The following SPRING1 variants were observed in gnomAD, a reference collection of about 807,000 sequenced individuals.
SPRING1 encodes SREBP regulating gene protein.
SPRING1 carries 14 observed loss-of-function variants against 24.7 expected under a neutral mutation model. That is an observed-to-expected ratio of 0.57 (90% CI 0.37 to 0.88). The LOEUF (loss-of-function observed/expected upper bound fraction) is 0.88, where lower values mean the gene tolerates loss of function less well. Ranked by LOEUF, SPRING1 falls within the 40% of genes least tolerant of loss-of-function variation. The pLI is 0.00. For missense variants in SPRING1, 255 were observed against 268.4 expected (o/e 0.95, Z 0.35); for synonymous variants, 93 against 106.1 (o/e 0.88, Z 0.76).
rs1373912772 is a variant in SPRING1, at chr12:116,713,266, T to A, written c.*4544A>T. Reference sequence around the variant, plus strand: ...CTGGAAAAGTTGGTTTGTGAATATGTGAGCTTAGTTGTTTCTAACACAGGG... The same window carrying A: ...CTGGAAAAGTTGGTTTGTGAATATGAGAGCTTAGTTGTTTCTAACACAGGG... On this transcript the variant is annotated 3_prime_UTR_variant, in exon 5 of 5. Transcript: ENST00000261318. 1 of 152,260 alleles carries A rather than the reference T, an allele frequency of 6.6e-6. No individual in the cohort carries two copies. Among genetic ancestry groups the A allele is most frequent in the Non-Finnish European group, 1.5e-5 (1 of 68,046 alleles). 9.4% of individuals were successfully genotyped at this position (152,260 alleles called of 1,614,324 possible).
chr12:116,736,784 G>A (rs1871242478), intron 1 of SPRING1, among the ~76,000 whole-genome samples: 1 of 152,100 alleles, frequency 6.6e-6, no homozygotes, highest in Non-Finnish European at 1.5e-5. Context: ...GTTTCTCCCA[G>A]AAATTCTCAC....
At position 116,717,855 on chromosome 12, in the gene SPRING1, T is replaced by C. The variant is rs759582903; in HGVS notation, c.573A>G (p.Ala191=). The C allele has an allele frequency of 1.5e-5, 24 of 1,608,406 alleles. 1 individual carries two copies. In the Middle Eastern group the frequency reaches 5.1e-4, roughly 34 times the overall value. ...GCGGGCTTTCTCCATAGCAATACTT[T>C]GCTATGGGGTCCCGGTAGGTGTTCT... is the stretch of plus-strand genomic sequence containing the variant. ...QHENTYRDPI[A]KYCYGESPPE... The change falls in exon 5 of 5, where the codon GCA becomes GCG. Residue 191 remains alanine (A), a synonymous_variant. Coordinates refer to ENST00000261318, the MANE Select transcript of SPRING1 (RefSeq NM_024738.4). The surrounding 1 kb of genome is among the most constrained non-coding windows in gnomAD (Gnocchi z 4.2).
chr12:116,722,796 C>G, intron 2 of SPRING1, among the ~76,000 whole-genome samples: 1 of 152,102 alleles, frequency 6.6e-6, no homozygotes, highest in African/African-American at 2.4e-5. Flanking sequence ...CAGAAGGGGC[C>G]TGGGGACTGA....
rs934266322 is a variant in SPRING1 at position 116,713,339 on chromosome 12, A to G, written c.*4471T>C. The G allele has an allele frequency of 2.0e-5, 3 of 152,252 alleles. No homozygotes were observed. Among genetic ancestry groups the G allele is most frequent in the Middle Eastern group, 3.2e-3 (1 of 316 alleles). 9.4% of individuals were successfully genotyped at this position (152,252 alleles called of 1,614,324 possible). A position where few individuals can be genotyped will look rare whatever the true frequency, so the allele number is the denominator to read the frequency against. On this transcript the variant is annotated 3_prime_UTR_variant, in exon 5 of 5. Coordinates refer to ENST00000261318, the MANE Select transcript of SPRING1 (RefSeq NM_024738.4). Reference sequence around the variant, plus strand: ...AAAGGCTGCTTTCATATAAAAATGTACTGTAGTAATCAGTAAGAAAAAGAA... The same window carrying G: ...AAAGGCTGCTTTCATATAAAAATGTGCTGTAGTAATCAGTAAGAAAAAGAA...
rs544790994 is a variant in SPRING1 at position 116,725,624 on chromosome 12, A to G, written c.112-2401T>C. Among the ~76,000 whole-genome samples, 5 of 152,338 alleles carry G rather than the reference A, an allele frequency of 3.3e-5. No homozygotes were observed. In the South Asian group the frequency reaches 6.2e-4, roughly 19 times the overall value. On this transcript the variant is annotated intron_variant, in intron 1 of 4. Coordinates refer to ENST00000261318, the MANE Select transcript of SPRING1 (RefSeq NM_024738.4). ...TTTCTGGCCGGGCGCCATGGCTCAC[A>G]CCTGTAATCCCAACACTTTGGGAGG...
chr12:116,727,282 T>C (rs1422503211), intron 1 of SPRING1, among the ~76,000 whole-genome samples: 2 of 152,206 alleles, frequency 1.3e-5, no homozygotes, highest in African/African-American at 2.4e-5. Context: ...TACCTCCATA[T>C]ATCAGTGCGA....
chr12:116,731,983 A>G (rs1291622523), intron 1 of SPRING1, among the ~76,000 whole-genome samples: 1 of 152,122 alleles, frequency 6.6e-6, no homozygotes, highest in Non-Finnish European at 1.5e-5. Flanking sequence ...CAGGCCACAC[A>G]GCCACCCTCC....
chr12:116,736,345 G>C (rs758754616), intron 1 of SPRING1, among the ~76,000 whole-genome samples: 4 of 152,160 alleles, frequency 2.6e-5, no homozygotes, highest in Admixed American at 1.3e-4. Flanking sequence ...GACAACACGC[G>C]ACTGTGAGGA....
chr12:116,725,678 G>A (rs1870651152), intron 1 of SPRING1, among the ~76,000 whole-genome samples: 1 of 152,142 alleles, frequency 6.6e-6, no homozygotes, highest in South Asian at 2.1e-4. Context: ...GAGTTCAGAA[G>A]ATCGAGACCA....
rs1869926124 is a variant in SPRING1 at position 116,712,698 on chromosome 12, T to G, written c.*5112A>C. On this transcript the variant is annotated 3_prime_UTR_variant, in exon 5 of 5. Coordinates refer to ENST00000261318, the MANE Select transcript of SPRING1 (RefSeq NM_024738.4). ...ACTCCCACCTCCAAAGCCACTCCAT[T>G]CAAAGAACTGCTGGTGAGGTGCTGG... is the stretch of plus-strand genomic sequence containing the variant. 2 of 152,108 alleles carry G rather than the reference T, an allele frequency of 1.3e-5. No individual in the cohort carries two copies. Among genetic ancestry groups the G allele is most frequent in the Non-Finnish European group, 2.9e-5 (2 of 68,026 alleles). The allele number at this position is 152,108 out of a possible 1,614,324, so 9.4% of individuals were successfully genotyped here. A position where few individuals can be genotyped will look rare whatever the true frequency, so the allele number is the denominator to read the frequency against.
intron 1 of SPRING1, among the ~76,000 whole-genome samples, chr12:116,726,075 G>A (rs1221464617): frequency 6.6e-6 from 1 of 152,098 alleles, no homozygotes; most frequent in Non-Finnish European, 1.5e-5. Context: ...TTTGCATTCA[G>A]CTCTTCTTGA....
chr12:116,718,009 C>T (rs548966985), intron 4 of SPRING1, 116 bp from the exon 5 acceptor site: 11 of 797,886 alleles, frequency 1.4e-5, no homozygotes, highest in South Asian at 5.0e-5. Context: ...GGGGGCTGGC[C>T]GAGTCCATCT....
chr12:116,723,949 C>G (rs1458887310), intron 1 of SPRING1, among the ~76,000 whole-genome samples: 2 of 152,100 alleles, frequency 1.3e-5, no homozygotes, highest in Non-Finnish European at 2.9e-5. Context: ...GCTTACAAAA[C>G]TGCCTTTTCT....
intron 1 of SPRING1, among the ~76,000 whole-genome samples, chr12:116,724,982 AT>A (rs1870612800): frequency 6.6e-6 from 1 of 152,218 alleles, no homozygotes; most frequent in South Asian, 2.1e-4. Context: ...ATAGTGTATT[AT>A]CAAGGGAAAA....
chr12:116,711,980 G>A lies in SPRING1; in HGVS notation c.*5830C>T, dbSNP rs373891048. 3 of 151,836 alleles carry A rather than the reference G, an allele frequency of 2.0e-5. No homozygotes were observed. Among genetic ancestry groups the A allele is most frequent in the Admixed American group, 6.6e-5 (1 of 15,246 alleles). 9.4% of individuals were successfully genotyped at this position (151,836 alleles called of 1,614,324 possible). The stretch of plus-strand genomic sequence containing the variant: ...GTGATCAGAAGCTTACCTACCCCAC[G>A]TTGCATAAAAAAAAGTATGAATTTA... On this transcript the variant is annotated 3_prime_UTR_variant, in exon 5 of 5. Transcript: ENST00000261318.
chr12:116,730,229 G>A (rs1870910835), intron 1 of SPRING1, among the ~76,000 whole-genome samples: 1 of 149,190 alleles, frequency 6.7e-6, no homozygotes, highest in Non-Finnish European at 1.5e-5. Flanking sequence ...TTTTTTTTGA[G>A]ACAGTCTTGC....
intron 1 of SPRING1, among the ~76,000 whole-genome samples, chr12:116,733,554 T>C (rs927575847): frequency 1.3e-5 from 2 of 151,798 alleles, no homozygotes; most frequent in African/African-American, 4.9e-5. Flanking sequence ...AAAAAGCATA[T>C]AGAATAAGGA....
chr12:116,723,198 T>C lies in SPRING1; in HGVS notation c.137A>G (p.Asn46Ser), dbSNP rs757552398. The change falls in exon 2 of 5, where the codon AAT (asparagine) becomes AGT (serine). Residue 46 changes from asparagine to serine, a missense_variant. Coordinates refer to ENST00000261318, the MANE Select transcript of SPRING1 (RefSeq NM_024738.4). ...ATTATGGTCATGAACCTGGAGGAGATTCCTATCTCTCACTGCCCTCTCCTC... is the reference window on the plus strand; with the variant it reads ...ATTATGGTCATGAACCTGGAGGAGACTCCTATCTCTCACTGCCCTCTCCTC... The part of the protein sequence containing the change: ...KQEERAVRDR[N>S]LLQVHDHNQP... 1.1e-5 allele frequency: 17 copies of C among 1,614,020 alleles called. No homozygotes were observed. Among genetic ancestry groups the C allele is most frequent in the Non-Finnish European group, 4.2e-6 (5 of 1,180,048 alleles).
intron 1 of SPRING1, among the ~76,000 whole-genome samples, chr12:116,729,891 T>TTTTA (rs935581076): frequency 2.0e-4 from 31 of 152,286 alleles, no homozygotes; most frequent in East Asian, 1.9e-3. Context: ...TTGTTTTTAT[T>TTTTA]TTTATTTATT....
Sources: allele counts gnomAD v4.1 joint callset (sites outside exome capture counted in the v4.1 genomes callset), GRCh38; gene constraint gnomAD v4.1.1; non-coding constraint Gnocchi (gnomAD v3.1); transcripts MANE v1.5; gene names NCBI Gene and HGNC (gene_info 2026-07-23, HGNC 2026-07-21).